Variants in CADPS observed in about 807,000 individuals in gnomAD.
The protein encoded by CADPS is calcium-dependent secretion activator 1.
CADPS carries 57 observed loss-of-function variants against 167.3 expected under a neutral mutation model. The observed-to-expected ratio is 0.34, with a 90% confidence interval of 0.28 to 0.42. CADPS has a LOEUF of 0.42. Among genes scored for constraint, CADPS ranks in the 20% least tolerant of loss-of-function variants. The pLI, the probability that CADPS is intolerant of heterozygous loss-of-function variation, is 1.00. For missense variants in CADPS, 1,414 were observed against 1,738.1 expected, an observed-to-expected ratio of 0.81 and a Z score of 3.32; for synonymous variants, 676 against 635.3, an observed-to-expected ratio of 1.06 and a Z score of -0.96.
chr3:62,567,570 T>C (rs2080473396), intron 9 of CADPS, among the ~76,000 whole-genome samples: 2 of 97,350 alleles, frequency 2.1e-5, no homozygotes, highest in South Asian at 4.0e-4. Context: ...ACTGCTTTTT[T>C]TTTTTTTTTT....
chr3:62,658,890 A>G (rs1443355833), intron 4 of CADPS, among the ~76,000 whole-genome samples: 2 of 152,190 alleles, frequency 1.3e-5, no homozygotes, highest in Admixed American at 6.5e-5. Context: ...TAAGAAAGAA[A>G]TGATAATGAA....
At chr3:62,674,302 T>C (rs551999257) in intron 3 of CADPS, among the ~76,000 whole-genome samples, 1 of 152,304 alleles carries the variant, frequency 6.6e-6, no homozygotes, top group African/African-American at 2.4e-5. Context: ...CACTGTTTCC[T>C]TTGAGCAACA....
chr3:62,629,343 A>G (rs1357324675), intron 6 of CADPS, among the ~76,000 whole-genome samples: 1 of 152,046 alleles, frequency 6.6e-6, no homozygotes, highest in Non-Finnish European at 1.5e-5. Context: ...ATAGATTTGC[A>G]TTTTCCTTAT....
intron 3 of CADPS, among the ~76,000 whole-genome samples, chr3:62,742,734 G>A (rs1466681887): frequency 6.6e-6 from 1 of 152,024 alleles, no homozygotes; most frequent in Admixed American, 6.6e-5. Context: ...TCATGATGAA[G>A]ACACCAAAAG....
rs533224327 is a variant in CADPS, at chr3:62,576,020, T to C, written c.1578-5082A>G. 3.9e-5 allele frequency among the ~76,000 whole-genome samples: 6 copies of C among 152,336 alleles called. No individual in the cohort carries two copies. The East Asian group carries it at 9.6e-4, about 24-fold the overall frequency. On this transcript the variant is annotated intron_variant, in intron 8 of 29. Coordinates refer to ENST00000383710, the MANE Select transcript of CADPS (RefSeq NM_003716.4). ...CTCTGCGTTTTCTTGGGTGGAAACA[T>C]GCTCATTAAATAGGATACACAGTAC...
rs368961255 is a variant in CADPS at position 62,481,752 on chromosome 3, C to T, written c.3144G>A (p.Pro1048=). Residue 1048 remains proline (P), a synonymous_variant, in exon 22 of 30, where the codon CCG becomes CCA. Transcript: ENST00000383710. ...GIPQMPTFSA[P]SWMAAIYDAD... ...CATCATATATAGCAGCCATCCATGA[C>T]GGTGCCGAAAAAGTAGGCATTTGTG... 60 of 1,608,112 alleles carry T rather than the reference C, an allele frequency of 3.7e-5. No individual in the cohort carries two copies. Among genetic ancestry groups the T allele is most frequent in the African/African-American group, 6.7e-5 (5 of 74,678 alleles).
At chr3:62,579,143 A>C (rs1490064428) in intron 8 of CADPS, among the ~76,000 whole-genome samples, 1 of 152,232 alleles carries the variant, frequency 6.6e-6, no homozygotes, top group Non-Finnish European at 1.5e-5. Flanking sequence ...GGTTCATTGA[A>C]TGAATTAAAT....
chr3:62,818,415 C>T (rs571248078), intron 1 of CADPS, among the ~76,000 whole-genome samples: 39 of 152,176 alleles, frequency 2.6e-4, no homozygotes, highest in Admixed American at 5.2e-4. Context: ...GGCAGGTGCA[C>T]GAGTGGCTAA....
At chr3:62,677,671 G>T (rs945460444) in intron 3 of CADPS, among the ~76,000 whole-genome samples, 1 of 152,062 alleles carries the variant, frequency 6.6e-6, no homozygotes, top group African/African-American at 2.4e-5. Flanking sequence ...TAAGATGTTT[G>T]CCCTGACAAC....
intron 1 of CADPS, among the ~76,000 whole-genome samples, chr3:62,803,514 A>G (rs2093906776): frequency 6.6e-6 from 1 of 152,004 alleles, no homozygotes; most frequent in African/African-American, 2.4e-5. Flanking sequence ...TAACATCTCA[A>G]AATGAACGTG....
chr3:62,706,734 C>G (rs147076582), intron 3 of CADPS, among the ~76,000 whole-genome samples: 2 of 152,198 alleles, frequency 1.3e-5, no homozygotes, highest in South Asian at 2.1e-4. Context: ...CCAGATTTCC[C>G]CTTTTTATAA....
At chr3:62,448,461 A>G (rs1292605713) in intron 26 of CADPS, among the ~76,000 whole-genome samples, 1 of 152,130 alleles carries the variant, frequency 6.6e-6, no homozygotes, top group Non-Finnish European at 1.5e-5. Flanking sequence ...TCGGTTTGTT[A>G]GGATTGTTCT....
chr3:62,613,684 T>A (rs2061826387), intron 6 of CADPS, among the ~76,000 whole-genome samples: 1 of 152,280 alleles, frequency 6.6e-6, no homozygotes, highest in South Asian at 2.1e-4. Flanking sequence ...AATAATCAGT[T>A]TTAGATAACC....
chr3:62,861,747 C>T (rs1399814667), intron 1 of CADPS, among the ~76,000 whole-genome samples: 3 of 152,150 alleles, frequency 2.0e-5, no homozygotes, highest in African/African-American at 4.8e-5. Flanking sequence ...CTCCTTAATC[C>T]CCTTACCTTG....
chr3:62,856,156 T>A (rs1013268408), intron 1 of CADPS, among the ~76,000 whole-genome samples: 4 of 152,128 alleles, frequency 2.6e-5, no homozygotes, highest in Non-Finnish European at 5.9e-5. Flanking sequence ...CTCAGGTGTA[T>A]TAGAGAGTAG....
At chr3:62,562,496 TA>T (rs945270824) in intron 9 of CADPS, among the ~76,000 whole-genome samples, 3 of 152,144 alleles carry the variant, frequency 2.0e-5, no homozygotes, top group African/African-American at 4.8e-5. Context: ...TTTTGATAAT[TA>T]AAAAAGAATT....
In CADPS at chr3:62,490,662, C is replaced by A. The variant is rs138707560; in HGVS notation, c.3026+677G>T. On this transcript the variant is annotated intron_variant, in intron 21 of 29. Transcript: ENST00000383710. The stretch of plus-strand genomic sequence containing the variant: ...GGTTGTCAAATACATTTAGGAAAAT[C>A]CGGGTTAAACAGAGTTACACAAAAT... 2.8e-3 allele frequency among the ~76,000 whole-genome samples: 427 copies of A among 152,240 alleles called. 7 individuals are homozygous for A. Among genetic ancestry groups the A allele is most frequent in the South Asian group, 0.022 (108 of 4,822 alleles).
rs933555679 is a variant in CADPS, at chr3:62,645,986, G to A, written c.1204-143C>T. 16 of 847,084 alleles carry A rather than the reference G, an allele frequency of 1.9e-5. No homozygotes were observed. In the Admixed American group the frequency reaches 4.2e-4, roughly 22 times the overall value. The allele number at this position is 847,084 out of a possible 1,614,324, so 52.5% of individuals were successfully genotyped here. ...GTTAGGTTTGTACCAGTCATGCTGG[G>A]ACCAGTCTAGCACGAAGATGCAATT... On this transcript the variant is annotated intron_variant, in intron 5 of 29. Transcript: ENST00000383710.
chr3:62,675,392 C>G (rs2076187665), intron 3 of CADPS, among the ~76,000 whole-genome samples: 1 of 152,100 alleles, frequency 6.6e-6, no homozygotes, highest in Non-Finnish European at 1.5e-5. Flanking sequence ...GCTTGATTCT[C>G]TAGTTTACCT....
Sources: allele counts gnomAD v4.1 joint callset (sites outside exome capture counted in the v4.1 genomes callset), GRCh38; gene constraint gnomAD v4.1.1; transcripts MANE v1.5; gene names NCBI Gene and HGNC (gene_info 2026-07-23, HGNC 2026-07-21).